Variants in NELL1 observed in about 807,000 individuals in gnomAD.
NELL1 encodes neural EGFL like 1, also known as protein kinase C-binding protein NELL1.
In NELL1, 76 loss-of-function variants were observed where a neutral mutation model predicts 107.4. The observed-to-expected ratio is 0.71, with a 90% confidence interval of 0.59 to 0.86. The LOEUF is 0.86. Ranked by LOEUF, NELL1 falls within the 40% of genes least tolerant of loss-of-function variation. The pLI, the probability that NELL1 is intolerant of heterozygous loss-of-function variation, is 0.00. For synonymous variants in NELL1, 353 were observed against 341.2 expected (o/e 1.03, Z -0.38); for missense variants, 1,024 against 1,005.5 (o/e 1.02, Z -0.25).
At chr11:20,993,164 G>A (rs1000597423) in intron 12 of NELL1, among the ~76,000 whole-genome samples, 1 of 151,992 alleles carries the variant, frequency 6.6e-6, no homozygotes, top group African/African-American at 2.4e-5. Flanking sequence ...CTATCTCCTT[G>A]AAATTTTCCT....
chr11:20,703,075 A>G (rs899360979), intron 2 of NELL1, among the ~76,000 whole-genome samples: 6 of 152,202 alleles, frequency 3.9e-5, no homozygotes, highest in African/African-American at 1.4e-4. Flanking sequence ...TTCAGAAGGA[A>G]TGGTACCAGC....
chr11:20,831,310 G>C (rs762136519), intron 3 of NELL1, among the ~76,000 whole-genome samples: 1 of 152,170 alleles, frequency 6.6e-6, no homozygotes, highest in African/African-American at 2.4e-5. Flanking sequence ...GACCCCAGCA[G>C]ACCTTCTGAA....
chr11:21,265,390 C>A (rs1264063447), intron 14 of NELL1, among the ~76,000 whole-genome samples: 1 of 151,966 alleles, frequency 6.6e-6, no homozygotes, highest in Non-Finnish European at 1.5e-5. Context: ...AATGTGTATT[C>A]TCTTTTGGAA....
intron 16 of NELL1, among the ~76,000 whole-genome samples, chr11:21,537,560 A>G (rs1473409501): frequency 6.6e-6 from 1 of 151,740 alleles, no homozygotes; most frequent in Non-Finnish European, 1.5e-5. Flanking sequence ...ATCCTTCCCT[A>G]CTCACTTTGT....
chr11:21,273,625 A>G (rs1394497670), intron 14 of NELL1, among the ~76,000 whole-genome samples: 2 of 152,204 alleles, frequency 1.3e-5, no homozygotes, highest in Non-Finnish European at 2.9e-5. Flanking sequence ...GTTGAAATGA[A>G]GGAAAAAATG....
At chr11:21,037,522 C>A (rs775670789) in intron 12 of NELL1, among the ~76,000 whole-genome samples, 1 of 152,126 alleles carries the variant, frequency 6.6e-6, no homozygotes, top group Non-Finnish European at 1.5e-5. Flanking sequence ...TTTTAGTCCA[C>A]ATGTTCCCCG....
chr11:21,575,249 T>C lies in NELL1; in HGVS notation c.*227T>C. On this transcript the variant is annotated 3_prime_UTR_variant, in exon 20 of 20. Transcript: ENST00000357134. ...TGACCTACAGTGCCGTGCATTTAAG[T>C]CAATGGTTGTTAAAAGAAGTTTCCC... 1 of 486,656 alleles carries C rather than the reference T, an allele frequency of 2.1e-6. No homozygotes were observed. Among genetic ancestry groups the C allele is most frequent in the Non-Finnish European group, 3.7e-6 (1 of 269,314 alleles). The allele number at this position is 486,656 out of a possible 1,614,324, so 30.1% of individuals were successfully genotyped here.
intron 12 of NELL1, among the ~76,000 whole-genome samples, chr11:20,987,121 G>T (rs1851869925): frequency 6.6e-6 from 1 of 152,104 alleles, no homozygotes; most frequent in South Asian, 2.1e-4. Flanking sequence ...CCATAAGGCT[G>T]AAACATTGCC....
At chr11:21,348,151 T>C (rs144206997) in intron 14 of NELL1, among the ~76,000 whole-genome samples, 346 of 152,286 alleles carry the variant, frequency 2.3e-3, no homozygotes, top group Admixed American at 5.2e-3. Context: ...GCTTTCTAGA[T>C]AGAATCATTA....
chr11:21,004,871 C>T (rs571386213), intron 12 of NELL1, among the ~76,000 whole-genome samples: 2 of 152,162 alleles, frequency 1.3e-5, no homozygotes, highest in African/African-American at 4.8e-5. Context: ...GTCTGCTAAA[C>T]CTCAAAGCCT....
chr11:21,120,181 A>G (rs1370138419), intron 13 of NELL1, among the ~76,000 whole-genome samples: 1 of 152,136 alleles, frequency 6.6e-6, no homozygotes, highest in Non-Finnish European at 1.5e-5. Context: ...TATTAATTTA[A>G]TGGTTTGAAT....
Position 20,936,063 on chromosome 11 carries a change from A to ACCC in NELL1, c.998-1723_998-1722insCCC, listed in dbSNP as rs1850718490. Among the ~76,000 whole-genome samples, 3 of 152,298 alleles carry ACCC rather than the reference A, an allele frequency of 2.0e-5. 1 individual carries two copies. Among genetic ancestry groups the ACCC allele is most frequent in the Middle Eastern group, 6.8e-3 (2 of 294 alleles). ...TACTTTATTAGGAAGTGCTCTCAGG[A>ACCC]TCAATTCTGGGATAGGAATGAGGTG... On this transcript the variant is annotated intron_variant, in intron 9 of 19. Transcript: ENST00000357134.
intron 15 of NELL1, among the ~76,000 whole-genome samples, chr11:21,397,371 G>T (rs1057363131): frequency 8.6e-5 from 13 of 151,250 alleles, no homozygotes; most frequent in Non-Finnish European, 1.8e-4. Context: ...TTAAAAAGTA[G>T]TATATTTTTA....
intron 16 of NELL1, among the ~76,000 whole-genome samples, chr11:21,553,274 A>AAC (rs1207264107): frequency 1.3e-5 from 2 of 151,850 alleles, no homozygotes; most frequent in African/African-American, 2.4e-5. Context: ...ACCGAGGATT[A>AAC]CATTGCCAAG....
At chr11:20,885,119 T>G (rs961148850) in intron 4 of NELL1, among the ~76,000 whole-genome samples, 5 of 152,242 alleles carry the variant, frequency 3.3e-5, no homozygotes, top group African/African-American at 1.2e-4. Flanking sequence ...TTATGATTCC[T>G]AAATCTGAGC....
intron 2 of NELL1, among the ~76,000 whole-genome samples, chr11:20,686,568 C>CA (rs1190387091): frequency 2.6e-5 from 4 of 152,062 alleles, no homozygotes; most frequent in African/African-American, 7.2e-5. Context: ...AAGTGATGTA[C>CA]AAAAAATGGA....
chr11:20,680,475 GA>G (rs1223466815), intron 2 of NELL1, among the ~76,000 whole-genome samples: 6 of 152,054 alleles, frequency 3.9e-5, no homozygotes, highest in South Asian at 2.1e-4. Context: ...CATTTTGGGG[GA>G]AAAATTTCTC....
At chr11:20,774,963 AACCCTGT>A (rs2133973256) in intron 2 of NELL1, among the ~76,000 whole-genome samples, 1 of 152,306 alleles carries the variant, frequency 6.6e-6, no homozygotes, top group Non-Finnish European at 1.5e-5. Flanking sequence ...AAGAAAAAAA[AACCCTGT>A]TGTCCTCACT....
At chr11:20,694,795 A>G (rs376121339) in intron 2 of NELL1, among the ~76,000 whole-genome samples, 2 of 151,794 alleles carry the variant, frequency 1.3e-5, no homozygotes, top group East Asian at 1.9e-4. Context: ...ATCCACATAC[A>G]TTTTAGTGTA....
Sources: allele counts gnomAD v4.1 joint callset (sites outside exome capture counted in the v4.1 genomes callset), GRCh38; gene constraint gnomAD v4.1.1; transcripts MANE v1.5; gene names NCBI Gene and HGNC (gene_info 2026-07-23, HGNC 2026-07-21).